MAPKAPK2: variants seen among roughly 807,000 people sequenced by gnomAD.
The protein encoded by MAPKAPK2 is MAP kinase-activated protein kinase 2.
MAPKAPK2 carries 9 observed loss-of-function variants against 48.8 expected under a neutral mutation model. The ratio of observed to expected loss-of-function variants is 0.18; its 90% CI spans 0.11 to 0.32. MAPKAPK2 has a LOEUF of 0.32. MAPKAPK2 is among the 10% of genes least tolerant of loss of function. The pLI is 1.00. For missense variants in MAPKAPK2, 331 were observed against 498.3 expected, an observed-to-expected ratio of 0.66 and a Z score of 3.20; for synonymous variants, 202 against 190.6, an observed-to-expected ratio of 1.06 and a Z score of -0.49.
chr1:206,720,577 A>C (rs192270386), intron 1 of MAPKAPK2, among the ~76,000 whole-genome samples: 2 of 152,140 alleles, frequency 1.3e-5, no homozygotes, highest in African/African-American at 4.8e-5. Flanking sequence ...CAGGCTGGTC[A>C]TGAACTTCTG....
intron 1 of MAPKAPK2, among the ~76,000 whole-genome samples, chr1:206,685,748 G>A (rs1367859741): frequency 6.6e-5 from 10 of 151,600 alleles, no homozygotes; most frequent in African/African-American, 2.4e-4. Flanking sequence ...CGCTCCTGGG[G>A]ACTCAGGGGA....
intron 1 of MAPKAPK2, among the ~76,000 whole-genome samples, chr1:206,717,258 G>A (rs782686900): frequency 1.3e-5 from 2 of 152,176 alleles, no homozygotes; most frequent in African/African-American, 2.4e-5. Context: ...GCACCTGTAC[G>A]ATGGAGTCAG....
chr1:206,699,615 G>A (rs539849115), intron 1 of MAPKAPK2, among the ~76,000 whole-genome samples: 1 of 152,222 alleles, frequency 6.6e-6, no homozygotes, highest in African/African-American at 2.4e-5. Flanking sequence ...AAAAGAAATG[G>A]CTGGGCTAAA....
chr1:206,728,581 CTGG>C, intron 1 of MAPKAPK2, 126 bp from the exon 2 acceptor site: 1 of 993,878 alleles, frequency 1.0e-6, no homozygotes, highest in Non-Finnish European at 1.4e-6. Flanking sequence ...GCCAAGGGGG[CTGG>C]TGGGGGGGGC....
chr1:206,711,633 T>TTTTTTTTTTTTTTTTTTTTTTTTTTCCTC (rs1553429493), intron 1 of MAPKAPK2, among the ~76,000 whole-genome samples: 1 of 148,016 alleles, frequency 6.8e-6, no homozygotes. Flanking sequence ...TTTTTTATGT[T>TTTTTTTTTTTTTTTTTTTTTTTTTTCCTC]TTTGAGACAG....
chr1:206,728,518 T>C (rs1673782329), intron 1 of MAPKAPK2, among the ~76,000 whole-genome samples, 192 bp from the exon 2 acceptor site: 1 of 149,212 alleles, frequency 6.7e-6, no homozygotes, highest in African/African-American at 2.5e-5. Flanking sequence ...AAGAGAGTCA[T>C]CATGAGATTT....
chr1:206,691,250 C>T (rs1360929716), intron 1 of MAPKAPK2, among the ~76,000 whole-genome samples: 1 of 151,900 alleles, frequency 6.6e-6, no homozygotes, highest in African/African-American at 2.4e-5. Flanking sequence ...GGTCTGGGCC[C>T]CTTTGGTTTT....
chr1:206,689,155 G>A (rs868912708), intron 1 of MAPKAPK2, among the ~76,000 whole-genome samples: 44 of 152,260 alleles, frequency 2.9e-4, no homozygotes, highest in South Asian at 1.5e-3. Flanking sequence ...GAATGTTGTC[G>A]TAACTTATCT....
At chr1:206,729,200 T>G in intron 3 of MAPKAPK2, 101 bp downstream of exon 3, 1 of 1,301,862 alleles carries the variant, frequency 7.7e-7, no homozygotes, top group South Asian at 1.2e-5. Flanking sequence ...GTGCTGAGGC[T>G]GCTGCCCCCT....
chr1:206,693,167 C>G (rs180946992), intron 1 of MAPKAPK2, among the ~76,000 whole-genome samples: 1 of 152,156 alleles, frequency 6.6e-6, no homozygotes, highest in East Asian at 1.9e-4. Flanking sequence ...TCAGTACACA[C>G]CGGACCTTAG....
At position 206,732,515 on chromosome 1, in the gene MAPKAPK2, G is replaced by A. The variant is rs987607037; in HGVS notation, c.1060-60G>A. ...CTGTCTCTCACGTCTCTCTTCTGCT[G>A]TCTCTCCTACCTGTCTTCTGGCTCT... On this transcript the variant is annotated intron_variant, in intron 9 of 9. Coordinates refer to ENST00000367103, the MANE Select transcript of MAPKAPK2 (RefSeq NM_032960.4). This position sits in a 1 kb window ranked among gnomAD's most constrained non-coding sequence, Gnocchi z 4.4. The A allele has an allele frequency of 5.0e-6, 8 of 1,597,068 alleles. No individual in the cohort carries two copies. Among genetic ancestry groups the A allele is most frequent in the African/African-American group, 1.3e-5 (1 of 74,622 alleles).
rs1553433218 is a variant in MAPKAPK2, at chr1:206,733,805, G to A, written c.*1087G>A. 1.3e-5 allele frequency: 2 copies of A among 152,852 alleles called. No homozygotes were observed. Among genetic ancestry groups the A allele is most frequent in the Non-Finnish European group, 2.9e-5 (2 of 68,092 alleles). The allele number at this position is 152,852 out of a possible 1,614,324, so 9.5% of individuals were successfully genotyped here. A position where few individuals can be genotyped will look rare whatever the true frequency, so the allele number is the denominator to read the frequency against. ...TTTTGCATTTCCTGTGTTTGTCCTG[G>A]GTTCTGGGGCATCAGCCAGCTACCC... is the stretch of plus-strand genomic sequence containing the variant. On this transcript the variant is annotated 3_prime_UTR_variant, in exon 10 of 10. Coordinates refer to ENST00000367103, the MANE Select transcript of MAPKAPK2 (RefSeq NM_032960.4).
intron 1 of MAPKAPK2, among the ~76,000 whole-genome samples, chr1:206,722,739 C>G (rs1230585700): frequency 1.3e-5 from 2 of 152,240 alleles, no homozygotes; most frequent in Admixed American, 6.5e-5. Flanking sequence ...TGCCAGCCCC[C>G]CTCGGCCTGC....
chr1:206,707,146 G>A (rs1363176112), intron 1 of MAPKAPK2, among the ~76,000 whole-genome samples: 2 of 152,070 alleles, frequency 1.3e-5, no homozygotes, highest in South Asian at 2.1e-4. Flanking sequence ...GGACCTAGAC[G>A]GGGTATCCTG....
intron 1 of MAPKAPK2, among the ~76,000 whole-genome samples, chr1:206,706,265 T>A (rs1178045440): frequency 6.6e-6 from 1 of 152,102 alleles, no homozygotes; most frequent in East Asian, 1.9e-4. Context: ...CTCCCATTCC[T>A]TCTTGCCCTC....
Position 206,729,204 on chromosome 1 carries a change from G to C in MAPKAPK2, c.484+105G>C, listed in dbSNP as rs1475827832. 12 of 1,275,374 alleles carry C rather than the reference G, an allele frequency of 9.4e-6. No individual in the cohort carries two copies. In the African/African-American group the frequency reaches 1.8e-4, roughly 19 times the overall value. 79.0% of individuals were successfully genotyped at this position (1,275,374 alleles called of 1,614,324 possible). A position where few individuals can be genotyped will look rare whatever the true frequency, so the allele number is the denominator to read the frequency against. On this transcript the variant is annotated intron_variant, in intron 3 of 9. Coordinates refer to ENST00000367103, the MANE Select transcript of MAPKAPK2 (RefSeq NM_032960.4). ...CTTGGGGAAGGGTGCTGAGGCTGCT[G>C]CCCCCTCCAGCATGCTGCAAGGGGT... is the stretch of plus-strand genomic sequence containing the variant.
chr1:206,685,330 A>G lies in MAPKAPK2; in HGVS notation c.101A>G (p.Gln34Arg). The G allele has an allele frequency of 1.8e-6, 2 of 1,087,226 alleles. No individual in the cohort carries two copies. The highest frequency in any genetic ancestry group is 2.4e-6 in the Non-Finnish European group (2 of 821,372). The allele number at this position is 1,087,226 out of a possible 1,614,324, so 67.3% of individuals were successfully genotyped here. The change falls in exon 1 of 10, where the codon CAG becomes CGG. Residue 34 changes from glutamine to arginine, a missense_variant. Coordinates refer to ENST00000367103, the MANE Select transcript of MAPKAPK2 (RefSeq NM_032960.4). ...PTPALPHPPAQPPPPPPQQFP... is the reference protein window; with the variant it reads ...PTPALPHPPARPPPPPPQQFP... ...CCTGCCCTGCCGCACCCCCCGGCGCAGCCGCCGCCGCCGCCCCCGCAGCAG... is the reference window on the plus strand; with the variant it reads ...CCTGCCCTGCCGCACCCCCCGGCGCGGCCGCCGCCGCCGCCCCCGCAGCAG...
Position 206,726,013 on chromosome 1 carries a change from C to T in MAPKAPK2, c.280-2697C>T, listed in dbSNP as rs191984968. Among the ~76,000 whole-genome samples the T allele has an allele frequency of 3.9e-5, 6 of 152,288 alleles. No individual in the cohort carries two copies. In the East Asian group the frequency reaches 1.2e-3, roughly 29 times the overall value. The stretch of plus-strand genomic sequence containing the variant: ...AATGCTTGCTGGATTGAATTATATA[C>T]AAAGGAAATTGGCCAGTGCCTTCTC... On this transcript the variant is annotated intron_variant, in intron 1 of 9. Transcript: ENST00000367103.
At chr1:206,702,240 C>T (rs1672819606) in intron 1 of MAPKAPK2, among the ~76,000 whole-genome samples, 1 of 152,198 alleles carries the variant, frequency 6.6e-6, no homozygotes, top group Admixed American at 6.5e-5. Context: ...TCCTTTGGTG[C>T]TCATTGCATC....
Sources: allele counts gnomAD v4.1 joint callset (sites outside exome capture counted in the v4.1 genomes callset), GRCh38; gene constraint gnomAD v4.1.1; non-coding constraint Gnocchi (gnomAD v3.1); transcripts MANE v1.5; gene names NCBI Gene and HGNC (gene_info 2026-07-23, HGNC 2026-07-21).